GSE1: variants seen among roughly 807,000 people sequenced by gnomAD.
GSE1 encodes Gse1 coiled-coil protein, also known as genetic suppressor element 1.
GSE1 carries 32 observed loss-of-function variants against 112.6 expected under a neutral mutation model. That is an observed-to-expected ratio of 0.28 (90% CI 0.21 to 0.38). GSE1 has a LOEUF of 0.38. Among genes scored for constraint, GSE1 ranks in the 10% least tolerant of loss-of-function variants. The pLI is 1.00. For synonymous variants in GSE1, 1,115 were observed against 735.6 expected, an observed-to-expected ratio of 1.52 and a Z score of -8.35; for missense variants, 2,348 against 1,699.2, an observed-to-expected ratio of 1.38 and a Z score of -6.71.
At chr16:85,299,146 T>A (rs1406600182) in intron 1 of GSE1, among the ~76,000 whole-genome samples, 1 of 152,236 alleles carries the variant, frequency 6.6e-6, no homozygotes, top group African/African-American at 2.4e-5. Context: ...CATGTCCGTA[T>A]GTTTGCACCG....
intron 1 of GSE1, among the ~76,000 whole-genome samples, chr16:85,217,136 G>A (rs2143711017): frequency 6.6e-6 from 1 of 152,356 alleles, no homozygotes; most frequent in Admixed American, 6.5e-5. Flanking sequence ...TGGAGCGTGG[G>A]GGTGATGAGA....
At chr16:85,615,974 G>A (rs1172240433) in intron 1 of GSE1, among the ~76,000 whole-genome samples, 1 of 152,244 alleles carries the variant, frequency 6.6e-6, no homozygotes, top group African/African-American at 2.4e-5. Context: ...CGATGGCCCC[G>A]ATGAGCCCTC....
intron 2 of GSE1, among the ~76,000 whole-genome samples, chr16:85,403,865 A>T (rs551855218): frequency 3.3e-5 from 5 of 152,280 alleles, no homozygotes; most frequent in Admixed American, 3.3e-4. Flanking sequence ...GAACTCCAGC[A>T]TCAAGGTGTG....
At chr16:85,302,301 G>T (rs1299728321) in intron 1 of GSE1, among the ~76,000 whole-genome samples, 2 of 152,154 alleles carry the variant, frequency 1.3e-5, no homozygotes, top group Non-Finnish European at 2.9e-5. Context: ...TCCTGACAGA[G>T]ATCAGCCACG....
intron 1 of GSE1, among the ~76,000 whole-genome samples, chr16:85,268,074 G>A (rs1030092043): frequency 2.0e-5 from 3 of 152,196 alleles, no homozygotes; most frequent in Non-Finnish European, 2.9e-5. Flanking sequence ...TGGTAAGGAG[G>A]TGGGGTTCAC....
At chr16:85,213,227 C>G (rs553784428) in intron 1 of GSE1, among the ~76,000 whole-genome samples, 2 of 150,536 alleles carry the variant, frequency 1.3e-5, no homozygotes, top group South Asian at 2.1e-4. Context: ...CGAGATCACA[C>G]TACTGCACTC....
Position 85,648,706 on chromosome 16 carries a change from T to A in GSE1, c.381T>A (p.Ala127=). The A allele has an allele frequency of 6.2e-7, 1 of 1,607,500 alleles. No homozygotes were observed. Among genetic ancestry groups the A allele is most frequent in the Non-Finnish European group, 8.5e-7 (1 of 1,177,650 alleles). Residue 127 remains alanine (A), a synonymous_variant, in exon 3 of 16, where the codon GCT becomes GCA. Coordinates refer to ENST00000253458, the MANE Select transcript of GSE1 (RefSeq NM_014615.5). ...VPSTPPVVTI[A]PTKTVNGVWR... is the part of the protein sequence containing the mutation. ...GCACCCCCCCCGTGGTGACCATCGC[T>A]CCAACCAAAACCGTGAATGGTGTCT...
chr16:85,434,382 C>T (rs1391929076), intron 2 of GSE1, among the ~76,000 whole-genome samples: 3 of 151,894 alleles, frequency 2.0e-5, no homozygotes, highest in African/African-American at 4.8e-5. Flanking sequence ...CCGGTGTCAG[C>T]GCTTTACTTG....
intron 1 of GSE1, among the ~76,000 whole-genome samples, chr16:85,339,357 T>A (rs1413865921): frequency 2.0e-5 from 3 of 152,138 alleles, no homozygotes. Context: ...CTGTGCTCGC[T>A]CCAGCCGTGA....
chr16:85,612,836 T>C (rs1224034671), upstream of GSE1, among the ~76,000 whole-genome samples: 1 of 152,210 alleles, frequency 6.6e-6, no homozygotes, highest in Non-Finnish European at 1.5e-5. Context: ...TTGGGCCTGC[T>C]CTGTGTCAGG....
At chr16:85,560,371 C>T (rs923940833) in intron 1 of GSE1, among the ~76,000 whole-genome samples, 3 of 151,982 alleles carry the variant, frequency 2.0e-5, no homozygotes, top group Admixed American at 2.0e-4. Context: ...TCTTGACCTG[C>T]CTTGGCCTCC....
chr16:85,263,661 C>T (rs1907941059), intron 1 of GSE1, among the ~76,000 whole-genome samples: 1 of 151,918 alleles, frequency 6.6e-6, no homozygotes, highest in South Asian at 2.1e-4. Context: ...CAACCTCTGC[C>T]TCCAGGGTTG....
At chr16:85,190,848 G>C (rs530989221) in intron 1 of GSE1, among the ~76,000 whole-genome samples, 6 of 152,252 alleles carry the variant, frequency 3.9e-5, no homozygotes, top group Admixed American at 2.0e-4. Flanking sequence ...ACCAGGGTGG[G>C]GCTGATGGTG....
At chr16:85,171,372 G>A in exon 1 of GSE1, 1 of 985,644 alleles carries the variant, frequency 1.0e-6, no homozygotes, top group Non-Finnish European at 1.2e-6. Context: ...CCAGCCGCTT[G>A]GGCGAGAAGG....
At chr16:85,598,344 C>T (rs1051908495) in intron 1 of GSE1, among the ~76,000 whole-genome samples, 24 of 152,202 alleles carry the variant, frequency 1.6e-4, no homozygotes, top group South Asian at 2.1e-4. Flanking sequence ...CCACGAGAGC[C>T]GGTCCCTGTG....
Position 85,668,454 on chromosome 16 carries a change from G to A in GSE1, c.3415+30G>A, listed in dbSNP as rs1441788414. 9 of 1,434,644 alleles carry A rather than the reference G, an allele frequency of 6.3e-6. No individual in the cohort carries two copies. The African/African-American group carries it at 1.1e-4, about 18-fold the overall frequency. The allele number at this position is 1,434,644 out of a possible 1,614,324, so 88.9% of individuals were successfully genotyped here. On this transcript the variant is annotated intron_variant, in intron 14 of 15. Coordinates refer to ENST00000253458, the MANE Select transcript of GSE1 (RefSeq NM_014615.5). ...GGGGGTGCTGGGGAAGAGGGGGGAG[G>A]GGGTCAGGAAAGTACCTTTGGAAAG...
chr16:85,670,948 C>T (rs768328945), intron 14 of GSE1, 47 bp from the exon 15 acceptor site: 20 of 1,214,466 alleles, frequency 1.6e-5, no homozygotes, highest in African/African-American at 5.9e-5. Flanking sequence ...AGCGGGCCTT[C>T]GGGCTCCTGC....
In GSE1 at chr16:85,358,298, A is replaced by T. The variant is rs559631377; in HGVS notation, c.2464+655A>T. On this transcript the variant is annotated intron_variant, in intron 2 of 2. Coordinates refer to the GSE1 transcript ENST00000637419. ...TGGGCCTTGGGGCCTGGGCCAGGTC[A>T]GATGCTTTGGCTGGGCTTGGACATG... Among the ~76,000 whole-genome samples, 102 of 152,136 alleles carry T rather than the reference A, an allele frequency of 6.7e-4. 1 individual carries two copies. Among genetic ancestry groups the T allele is most frequent in the Admixed American group, 1.6e-3 (25 of 15,296 alleles).
At chr16:85,632,954 G>T (rs1257175799) in intron 1 of GSE1, among the ~76,000 whole-genome samples, 1 of 152,202 alleles carries the variant, frequency 6.6e-6, no homozygotes, top group Non-Finnish European at 1.5e-5. Flanking sequence ...AGGTGGCCAT[G>T]TCCTTTCCCC....
Sources: gnomAD v4.1 joint callset for allele counts (sites outside exome capture counted in the v4.1 genomes callset) on GRCh38, gnomAD v4.1.1 for gene constraint, MANE v1.5 for transcripts, NCBI Gene and HGNC (gene_info 2026-07-23, HGNC 2026-07-21) for gene names.